The following WNT7A variants were observed in gnomAD, a reference collection of about 807,000 sequenced individuals.
WNT7A encodes protein Wnt-7a.
A neutral mutation model predicts 28.2 loss-of-function variants in WNT7A; 16 were observed. The ratio of observed to expected loss-of-function variants is 0.57; its 90% CI spans 0.38 to 0.86. WNT7A has a LOEUF of 0.86. Among genes scored for constraint, WNT7A ranks in the 40% least tolerant of loss-of-function variants. WNT7A has a pLI of 0.00. For synonymous variants in WNT7A, 190 were observed against 195.9 expected, an observed-to-expected ratio of 0.97 and a Z score of 0.25; for missense variants, 411 against 489.7, an observed-to-expected ratio of 0.84 and a Z score of 1.52.
chr3:13,823,539 G>C (rs1202864995), intron 3 of WNT7A, among the ~76,000 whole-genome samples: 2 of 152,198 alleles, frequency 1.3e-5, no homozygotes, highest in Non-Finnish European at 2.9e-5. Context: ...GAAGTTGAGA[G>C]GATTCAAGGA....
At chr3:13,879,012 C>A (rs900598111) in intron 1 of WNT7A, among the ~76,000 whole-genome samples, 37 of 152,326 alleles carry the variant, frequency 2.4e-4, no homozygotes, top group Non-Finnish European at 1.2e-4. Flanking sequence ...GCCTCTGCTG[C>A]CCAGTTCCAG....
chr3:13,850,406 C>A (rs1694610563), intron 3 of WNT7A, among the ~76,000 whole-genome samples: 1 of 152,136 alleles, frequency 6.6e-6, no homozygotes, highest in Admixed American at 6.5e-5. Context: ...GCGGCCAGGG[C>A]AGGGGTGGGA....
intron 3 of WNT7A, among the ~76,000 whole-genome samples, chr3:13,819,966 C>A (rs188257183): frequency 6.6e-6 from 1 of 152,376 alleles, no homozygotes; most frequent in Non-Finnish European, 1.5e-5. Context: ...TTTTACCCAA[C>A]ACCCAGAGTA....
At chr3:13,869,487 G>A (rs1172448562) in intron 2 of WNT7A, among the ~76,000 whole-genome samples, 1 of 148,272 alleles carries the variant, frequency 6.7e-6, no homozygotes, top group Non-Finnish European at 1.5e-5. Flanking sequence ...GGAGAGAGGG[G>A]AGGGAGGGAA....
chr3:13,823,557 T>A (rs1462763982), intron 3 of WNT7A, among the ~76,000 whole-genome samples: 1 of 152,168 alleles, frequency 6.6e-6, no homozygotes, highest in Non-Finnish European at 1.5e-5. Context: ...GGAAAAGCCA[T>A]GGCAAAGGTG....
intron 2 of WNT7A, among the ~76,000 whole-genome samples, chr3:13,873,139 C>T (rs1016639048): frequency 2.0e-5 from 3 of 152,100 alleles, no homozygotes; most frequent in Admixed American, 6.5e-5. Context: ...ATGCCACTCA[C>T]TATGTGACCC....
At position 13,868,388 on chromosome 3, in the gene WNT7A, T is replaced by C. The variant is rs996023733; in HGVS notation, c.298+6559A>G. ...TGTGCCTGTAATCCCAGTGGAAGGA[T>C]TGCTTGAGCCCAGGAGGTGGAGGCT... is the stretch of plus-strand genomic sequence containing the variant. On this transcript the variant is annotated intron_variant, in intron 2 of 3. Transcript: ENST00000285018. Among the ~76,000 whole-genome samples, 17 of 151,624 alleles carry C rather than the reference T, an allele frequency of 1.1e-4. No homozygotes were observed. In the South Asian group the frequency reaches 2.3e-3, roughly 21 times the overall value.
chr3:13,844,608 A>C (rs1329637493), intron 3 of WNT7A, among the ~76,000 whole-genome samples: 2 of 152,180 alleles, frequency 1.3e-5, no homozygotes, highest in African/African-American at 4.8e-5. Flanking sequence ...CCAGGAAAGC[A>C]CCTAGAACCC....
intron 2 of WNT7A, among the ~76,000 whole-genome samples, chr3:13,863,074 C>T (rs1694855642): frequency 6.6e-6 from 1 of 152,186 alleles, no homozygotes; most frequent in Non-Finnish European, 1.5e-5. Flanking sequence ...AAAATGTCTA[C>T]CTCCCAGGGT....
chr3:13,824,127 T>C (rs971020583), intron 3 of WNT7A, among the ~76,000 whole-genome samples: 32 of 152,220 alleles, frequency 2.1e-4, no homozygotes, highest in African/African-American at 7.7e-4. Flanking sequence ...AATTCTCCCA[T>C]CAAAAGTGTA....
Position 13,818,249 on chromosome 3 carries a change from G to T in WNT7A, c.*695C>A, listed in dbSNP as rs192258819. ...TTCCAAACTGGATTTTTCTAATGGT[G>T]AAGTTTGAACTGGGGAGGGCAAAAG... On this transcript the variant is annotated 3_prime_UTR_variant, in exon 4 of 4. Transcript: ENST00000285018. 57 of 151,002 alleles carry T rather than the reference G, an allele frequency of 3.8e-4. No individual in the cohort carries two copies. Among genetic ancestry groups the T allele is most frequent in the African/African-American group, 1.4e-3 (56 of 41,082 alleles). 9.4% of individuals were successfully genotyped at this position (151,002 alleles called of 1,614,324 possible). A position where few individuals can be genotyped will look rare whatever the true frequency, so the allele number is the denominator to read the frequency against.
intron 1 of WNT7A, among the ~76,000 whole-genome samples, chr3:13,879,278 C>G (rs896431128): frequency 6.6e-6 from 1 of 152,216 alleles, no homozygotes; most frequent in Non-Finnish European, 1.5e-5. Flanking sequence ...CGCCAGCCAC[C>G]TGGGGACTGC....
chr3:13,838,406 C>G (rs1694403578), intron 3 of WNT7A, among the ~76,000 whole-genome samples: 1 of 152,202 alleles, frequency 6.6e-6, no homozygotes, highest in African/African-American at 2.4e-5. Context: ...TGAAGACTCC[C>G]ACAGCAGAGG....
chr3:13,822,831 G>A (rs1470564263), intron 3 of WNT7A, among the ~76,000 whole-genome samples: 1 of 152,154 alleles, frequency 6.6e-6, no homozygotes. Context: ...TGATACTGAG[G>A]GCTACTACCG....
At chr3:13,819,916 C>CTGTTTTTG (rs2124824569) in intron 3 of WNT7A, among the ~76,000 whole-genome samples, 1 of 152,316 alleles carries the variant, frequency 6.6e-6, no homozygotes, top group East Asian at 1.9e-4. Flanking sequence ...ATTTTGCTTA[C>CTGTTTTTG]CTTTGTTTTA....
chr3:13,879,568 C>G (rs2124883320), intron 1 of WNT7A, among the ~76,000 whole-genome samples, 178 bp downstream of exon 1: 1 of 152,312 alleles, frequency 6.6e-6, no homozygotes, highest in Middle Eastern at 3.4e-3. Flanking sequence ...CTGCCTATAT[C>G]TCCTGGGGTG....
chr3:13,859,396 C>T (rs1049644263), intron 2 of WNT7A, among the ~76,000 whole-genome samples: 1 of 152,186 alleles, frequency 6.6e-6, no homozygotes, highest in East Asian at 1.9e-4. Context: ...TTATTAGCAC[C>T]TACCCTGTAG....
At chr3:13,876,655 G>A (rs549850589) in intron 1 of WNT7A, among the ~76,000 whole-genome samples, 1 of 152,066 alleles carries the variant, frequency 6.6e-6, no homozygotes, top group South Asian at 2.1e-4. Flanking sequence ...CCCTCCAAGC[G>A]CACAACTGAT....
chr3:13,875,072 G>T lies in WNT7A; in HGVS notation c.173C>A (p.Ala58Asp). 1 of 1,614,226 alleles carries T rather than the reference G, an allele frequency of 6.2e-7. No homozygotes were observed. The highest frequency in any genetic ancestry group is 1.7e-5 in the Admixed American group (1 of 60,034). Residue 58 changes from alanine to aspartate, a missense_variant, in exon 2 of 4, where the codon GCC becomes GAC. Transcript: ENST00000285018. ...TGAGCCTTCTCCTATGACGATGATG[G>T]CGTCGGGCCGGCTCTGGCAGATCGC... ...QRAICQSRPDAIIVIGEGSQM... is the reference protein window; with the variant it reads ...QRAICQSRPDDIIVIGEGSQM...
Sources: gnomAD v4.1 joint callset for allele counts (sites outside exome capture counted in the v4.1 genomes callset) on GRCh38, gnomAD v4.1.1 for gene constraint, MANE v1.5 for transcripts, NCBI Gene and HGNC (gene_info 2026-07-23, HGNC 2026-07-21) for gene names.